GRIK1: variants seen among roughly 807,000 people sequenced by gnomAD.
GRIK1 encodes the protein glutamate ionotropic receptor kainate type subunit 1, also known as glutamate receptor ionotropic, kainate 1.
GRIK1 carries 69 observed loss-of-function variants against 105.7 expected under a neutral mutation model. The observed-to-expected ratio is 0.65, with a 90% confidence interval of 0.54 to 0.80. The LOEUF (loss-of-function observed/expected upper bound fraction) is 0.80, where lower values mean the gene tolerates loss of function less well. Among genes scored for constraint, GRIK1 ranks in the 30% least tolerant of loss-of-function variants. GRIK1 has a pLI of 0.00. For synonymous variants in GRIK1, 438 were observed against 431.3 expected, an observed-to-expected ratio of 1.02 and a Z score of -0.19; for missense variants, 1,109 against 1,167.3, an observed-to-expected ratio of 0.95 and a Z score of 0.73.
At chr21:29,593,100 T>A (rs1310019717) in intron 9 of GRIK1, among the ~76,000 whole-genome samples, 1 of 152,256 alleles carries the variant, frequency 6.6e-6, no homozygotes, top group African/African-American at 2.4e-5. Context: ...TTTCAAGGAC[T>A]ATTACACGTT....
chr21:29,906,577 A>G (rs1380805183), intron 1 of GRIK1, among the ~76,000 whole-genome samples: 1 of 152,148 alleles, frequency 6.6e-6, no homozygotes, highest in African/African-American at 2.4e-5. Context: ...TACATTTTAC[A>G]TCTATTCATC....
At chr21:29,566,045 T>C (rs867334510) in intron 14 of GRIK1, among the ~76,000 whole-genome samples, 3 of 152,228 alleles carry the variant, frequency 2.0e-5, no homozygotes, top group Non-Finnish European at 2.9e-5. Context: ...TTACATGTAT[T>C]CCTTTCAGCA....
At chr21:29,768,354 G>A (rs1392422850) in intron 1 of GRIK1, among the ~76,000 whole-genome samples, 1 of 152,174 alleles carries the variant, frequency 6.6e-6, no homozygotes, top group East Asian at 1.9e-4. Flanking sequence ...AGGCTTTTGT[G>A]CGAGTCTTTT....
chr21:29,538,516 T>C (rs957003939), intron 16 of GRIK1, among the ~76,000 whole-genome samples: 14 of 152,148 alleles, frequency 9.2e-5, no homozygotes, highest in African/African-American at 2.4e-5. Context: ...GTGCCTATAG[T>C]TAATATCGTC....
intron 1 of GRIK1, among the ~76,000 whole-genome samples, chr21:29,747,502 G>A (rs1447493284): frequency 9.6e-5 from 12 of 125,454 alleles, no homozygotes; most frequent in Non-Finnish European, 1.4e-4. Context: ...GTATCAGTTG[G>A]TTGAAGAAAG....
chr21:29,682,661 C>T (rs2063403041), intron 3 of GRIK1, among the ~76,000 whole-genome samples: 1 of 152,252 alleles, frequency 6.6e-6, no homozygotes, highest in Non-Finnish European at 1.5e-5. Flanking sequence ...AAGTGTAAGA[C>T]CTCAAACTAC....
chr21:29,646,276 C>T (rs986975118), intron 6 of GRIK1, among the ~76,000 whole-genome samples: 5 of 152,080 alleles, frequency 3.3e-5, no homozygotes, highest in Admixed American at 2.0e-4. Flanking sequence ...AAACCTGGAC[C>T]CCAAGGCTTG....
chr21:29,585,829 A>C (rs2091118744), intron 12 of GRIK1, among the ~76,000 whole-genome samples: 1 of 152,214 alleles, frequency 6.6e-6, no homozygotes, highest in Admixed American at 6.5e-5. Flanking sequence ...TATTTTTAAA[A>C]ATTTTATACC....
intron 1 of GRIK1, among the ~76,000 whole-genome samples, chr21:29,925,788 G>A (rs894649617): frequency 6.6e-6 from 1 of 152,122 alleles, no homozygotes; most frequent in African/African-American, 2.4e-5. Flanking sequence ...CCCAAATGGT[G>A]GGCTGCCTTC....
intron 1 of GRIK1, among the ~76,000 whole-genome samples, chr21:29,853,121 A>G (rs1352153080): frequency 1.3e-5 from 2 of 152,228 alleles, no homozygotes; most frequent in Non-Finnish European, 1.5e-5. Context: ...TTCATTCTCT[A>G]CTGGCAAAAT....
chr21:29,870,914 C>T (rs2832466), intron 1 of GRIK1, among the ~76,000 whole-genome samples: 14,212 of 151,908 alleles, frequency 0.094, 831 homozygotes, highest in African/African-American at 0.17. Flanking sequence ...TCTAGTTTAC[C>T]GGCTTACCTC....
At position 29,642,865 on chromosome 21, in the gene GRIK1, T is replaced by C; in HGVS notation, c.1059A>G (p.Pro353=). 2 of 1,614,098 alleles carry C rather than the reference T, an allele frequency of 1.2e-6. No individual in the cohort carries two copies. The highest frequency in any genetic ancestry group is 1.7e-6 in the Non-Finnish European group (2 of 1,179,954). ...VSSLQCHRHK[P]WRLGPRFMNL... The stretch of plus-strand genomic sequence containing the variant: ...TCATAAATCTGGGTCCGAGGCGCCA[T>C]GGCTTATGTCTATGGCACTGCAGGG... Residue 353 remains proline, a synonymous_variant, in exon 7 of 18, where the codon CCA becomes CCG. Coordinates refer to ENST00000327783, the MANE Select transcript of GRIK1 (RefSeq NM_001330994.2).
chr21:29,783,397 T>C (rs2066177018), intron 1 of GRIK1, among the ~76,000 whole-genome samples: 2 of 152,180 alleles, frequency 1.3e-5, no homozygotes, highest in African/African-American at 4.8e-5. Context: ...TTGCAGGTTT[T>C]TTTGTTTGCT....
intron 14 of GRIK1, among the ~76,000 whole-genome samples, chr21:29,562,883 T>TCTTA (rs34657535): frequency 0.75 from 114,082 of 151,514 alleles, 43,004 homozygotes; most frequent in Middle Eastern, 0.81. Flanking sequence ...TGCTTCATTA[T>TCTTA]CTTTTTTTGC....
At chr21:29,838,931 C>T (rs2067887994) in intron 1 of GRIK1, among the ~76,000 whole-genome samples, 1 of 152,030 alleles carries the variant, frequency 6.6e-6, no homozygotes, top group Non-Finnish European at 1.5e-5. Context: ...TACCTTTTCA[C>T]TATTTGGTGG....
intron 1 of GRIK1, among the ~76,000 whole-genome samples, chr21:29,698,166 T>C (rs1055950524): frequency 1.3e-5 from 2 of 152,118 alleles, no homozygotes; most frequent in African/African-American, 4.8e-5. Context: ...GTTGTGAACC[T>C]CTGGCCTCAT....
chr21:29,544,819 C>T (rs1212201153), intron 16 of GRIK1, among the ~76,000 whole-genome samples: 1 of 152,200 alleles, frequency 6.6e-6, no homozygotes, highest in East Asian at 1.9e-4. Flanking sequence ...CGTAGCTGCT[C>T]TCAAGGAGAA....
chr21:29,664,160 T>G (rs2063017626), intron 4 of GRIK1, among the ~76,000 whole-genome samples: 1 of 152,134 alleles, frequency 6.6e-6, no homozygotes, highest in Non-Finnish European at 1.5e-5. Context: ...GTGTTAATTC[T>G]AGCATGGAAA....
At chr21:29,886,807 C>T (rs551582821) in intron 1 of GRIK1, among the ~76,000 whole-genome samples, 2 of 152,232 alleles carry the variant, frequency 1.3e-5, no homozygotes, top group Non-Finnish European at 2.9e-5. Context: ...CTGGTAGGTG[C>T]TCATAGACTC....
Sources: allele counts gnomAD v4.1 joint callset (sites outside exome capture counted in the v4.1 genomes callset), GRCh38; gene constraint gnomAD v4.1.1; transcripts MANE v1.5; gene names NCBI Gene and HGNC (gene_info 2026-07-23, HGNC 2026-07-21).